The following SETD3 variants were observed in gnomAD, a reference collection of about 807,000 sequenced individuals.
SETD3 encodes the protein SET domain containing 3, actin N3(tau)-histidine methyltransferase.
Under a neutral mutation model 63.0 loss-of-function variants are expected in SETD3, and 19 were observed. The observed-to-expected ratio is 0.30, with a 90% CI of 0.21 to 0.44. The LOEUF is 0.44. Ranked by LOEUF, SETD3 falls within the 20% of genes least tolerant of loss-of-function variation. The probability of loss-of-function intolerance (pLI) is 1.00; values close to 1 mark genes in which losing one functional copy is unlikely to be tolerated. For missense variants in SETD3, 587 were observed against 728.5 expected, an observed-to-expected ratio of 0.81 and a Z score of 2.24; for synonymous variants, 286 against 264.1, an observed-to-expected ratio of 1.08 and a Z score of -0.80.
chr14:99,423,959 C>CTT (rs756328600), intron 6 of SETD3, among the ~76,000 whole-genome samples: 2 of 143,524 alleles, frequency 1.4e-5, no homozygotes, highest in African/African-American at 2.6e-5. Context: ...ATTTCACTCT[C>CTT]TTTTTTTTTT....
intron 3 of SETD3, among the ~76,000 whole-genome samples, chr14:99,462,999 G>T (rs1895157695): frequency 6.6e-6 from 1 of 152,150 alleles, no homozygotes; most frequent in Admixed American, 6.6e-5. Context: ...CGCCAGCCTG[G>T]ATGAGAATCA....
chr14:99,424,320 G>A (rs1892759706), intron 6 of SETD3, among the ~76,000 whole-genome samples: 1 of 152,186 alleles, frequency 6.6e-6, no homozygotes, highest in Admixed American at 6.5e-5. Flanking sequence ...GAAAAGCCTG[G>A]AGATTCAGAA....
chr14:99,437,578 G>A (rs948421997), intron 6 of SETD3, among the ~76,000 whole-genome samples: 9 of 152,204 alleles, frequency 5.9e-5, no homozygotes, highest in Non-Finnish European at 1.0e-4. Flanking sequence ...AGTGGTGCTT[G>A]ATAACAGGTA....
chr14:99,468,498 T>C (rs529793933), intron 1 of SETD3, among the ~76,000 whole-genome samples: 4 of 152,104 alleles, frequency 2.6e-5, no homozygotes, highest in Non-Finnish European at 4.4e-5. Flanking sequence ...ATCTAATAAG[T>C]CTCCTAAAAA....
intron 6 of SETD3, among the ~76,000 whole-genome samples, chr14:99,425,479 T>G (rs1892830589): frequency 6.6e-6 from 1 of 152,254 alleles, no homozygotes; most frequent in African/African-American, 2.4e-5. Context: ...CTGGAAGACC[T>G]GGAGCAAGTG....
rs767989613 is a variant in SETD3 at position 99,406,503 on chromosome 14, C to A, written c.924+13G>T. On this transcript the variant is annotated intron_variant, in intron 9 of 12. Coordinates refer to ENST00000331768, the MANE Select transcript of SETD3 (RefSeq NM_032233.3). ...TGGCTGGCTCACATTTTGTGAGATGCCACGAGACCCACCTGCTCTCCAGCC... is the reference window on the plus strand; with the variant it reads ...TGGCTGGCTCACATTTTGTGAGATGACACGAGACCCACCTGCTCTCCAGCC... 4 of 1,613,774 alleles carry A rather than the reference C, an allele frequency of 2.5e-6. No individual in the cohort carries two copies. Among genetic ancestry groups the A allele is most frequent in the Admixed American group, 3.3e-5 (2 of 60,026 alleles).
intron 6 of SETD3, among the ~76,000 whole-genome samples, chr14:99,417,840 G>C (rs939750350): frequency 3.9e-5 from 6 of 151,912 alleles, no homozygotes; most frequent in Non-Finnish European, 8.8e-5. Context: ...TACATGGAGA[G>C]GTGTTTCCTA....
chr14:99,398,865 C>T lies in SETD3; in HGVS notation c.1599G>A (p.Gln533=). The T allele has an allele frequency of 6.2e-7, 1 of 1,614,244 alleles. No homozygotes were observed. The highest frequency in any genetic ancestry group is 1.1e-5 in the South Asian group (1 of 91,088). Residue 533 remains glutamine (Q), a synonymous_variant, in exon 13 of 13, where the codon CAG becomes CAA. Transcript: ENST00000331768. ...TTGCCTCTCTGATGTTCAAGGCATC[C>T]TGCACTCCAGCCTCCTCCTCGAGGT... The part of the protein sequence containing the change: ...LRNLEEEAGV[Q]DALNIREAIS...
intron 6 of SETD3, among the ~76,000 whole-genome samples, chr14:99,433,400 G>A (rs377206790): frequency 6.6e-6 from 1 of 151,838 alleles, no homozygotes; most frequent in South Asian, 2.1e-4. Context: ...ATGTTTAATA[G>A]ATATTTCAGG....
At chr14:99,452,941 T>C (rs1210521537) in intron 6 of SETD3, among the ~76,000 whole-genome samples, 3 of 152,292 alleles carry the variant, frequency 2.0e-5, no homozygotes, top group Admixed American at 1.3e-4. Flanking sequence ...CAGATAAAAA[T>C]TGCGAATGAG....
intron 6 of SETD3, among the ~76,000 whole-genome samples, chr14:99,430,833 G>A (rs1056805569): frequency 1.3e-5 from 2 of 152,216 alleles, no homozygotes; most frequent in Non-Finnish European, 1.5e-5. Context: ...AAATATTCCA[G>A]GACAAACCTC....
intron 1 of SETD3, among the ~76,000 whole-genome samples, chr14:99,469,041 C>T (rs1443093578): frequency 1.3e-5 from 2 of 152,238 alleles, no homozygotes; most frequent in African/African-American, 4.8e-5. Context: ...TGTCTAATTC[C>T]TGCTCCGCGT....
At chr14:99,454,314 C>T (rs1050372085) in intron 6 of SETD3, among the ~76,000 whole-genome samples, 5 of 151,958 alleles carry the variant, frequency 3.3e-5, no homozygotes, top group Admixed American at 1.3e-4. Context: ...TTCAGCCTCC[C>T]GAGTAGCTGG....
At chr14:99,434,968 G>C (rs557324111) in intron 6 of SETD3, among the ~76,000 whole-genome samples, 59 of 150,792 alleles carry the variant, frequency 3.9e-4, no homozygotes, top group African/African-American at 1.4e-3. Flanking sequence ...TCCCCAAACT[G>C]GCTCATCTTT....
At chr14:99,402,527 A>G (rs1891442482) in intron 11 of SETD3, among the ~76,000 whole-genome samples, 2 of 152,120 alleles carry the variant, frequency 1.3e-5, no homozygotes, top group Admixed American at 1.3e-4. Context: ...GGCTCAATCA[A>G]TCCTCCAACT....
chr14:99,411,346 T>C (rs1157351498), intron 8 of SETD3: 2 of 152,162 alleles, frequency 1.3e-5, no homozygotes, highest in Non-Finnish European at 2.9e-5. Flanking sequence ...GAAAAAGGAA[T>C]TGTTTTATCC....
chr14:99,407,205 T>C (rs1891729119), intron 8 of SETD3, among the ~76,000 whole-genome samples: 1 of 152,180 alleles, frequency 6.6e-6, no homozygotes. Context: ...ATGTGAGAGT[T>C]TCTAAGTCCA....
intron 1 of SETD3, 107 bp from the exon 2 acceptor site, chr14:99,465,920 G>C: frequency 1.6e-6 from 1 of 628,584 alleles, no homozygotes; most frequent in Non-Finnish European, 2.7e-6. Flanking sequence ...CAGAGGCTAA[G>C]ATCTTACCTT....
At chr14:99,463,176 C>A (rs575016431) in intron 3 of SETD3, among the ~76,000 whole-genome samples, 1 of 152,282 alleles carries the variant, frequency 6.6e-6, no homozygotes, top group South Asian at 2.1e-4. Flanking sequence ...TGTCCTGAAA[C>A]TCAAAAGGAA....
Sources: allele counts gnomAD v4.1 joint callset (sites outside exome capture counted in the v4.1 genomes callset), GRCh38; gene constraint gnomAD v4.1.1; transcripts MANE v1.5; gene names NCBI Gene and HGNC (gene_info 2026-07-23, HGNC 2026-07-21).